The following TENM2 variants were observed in gnomAD, a reference collection of about 807,000 sequenced individuals.
TENM2 encodes teneurin-2.
TENM2 carries 52 observed loss-of-function variants against 245.2 expected under a neutral mutation model. The observed-to-expected ratio is 0.21, with a 90% confidence interval of 0.17 to 0.27. The LOEUF is 0.27. Ranked by LOEUF, TENM2 falls within the 10% of genes least tolerant of loss-of-function variation. The pLI, the probability that TENM2 is intolerant of heterozygous loss-of-function variation, is 1.00. For missense variants in TENM2, 3,046 were observed against 3,666.8 expected, an observed-to-expected ratio of 0.83 and a Z score of 4.37; for synonymous variants, 1,363 against 1,438.9, an observed-to-expected ratio of 0.95 and a Z score of 1.19.
At chr5:167,614,561 A>T (rs565150633) in intron 2 of TENM2, among the ~76,000 whole-genome samples, 2 of 152,006 alleles carry the variant, frequency 1.3e-5, no homozygotes, top group East Asian at 3.9e-4. Context: ...AAGAGAGGAA[A>T]TTTTTTTTCT....
intron 5 of TENM2, among the ~76,000 whole-genome samples, chr5:168,018,574 C>T (rs926528107): frequency 6.6e-5 from 10 of 152,054 alleles, no homozygotes; most frequent in African/African-American, 2.4e-4. Flanking sequence ...TATTCAGACT[C>T]CTGCCCAGGA....
intron 4 of TENM2, among the ~76,000 whole-genome samples, chr5:167,985,617 A>G (rs1187418985): frequency 6.6e-6 from 1 of 152,218 alleles, no homozygotes; most frequent in Non-Finnish European, 1.5e-5. Context: ...AGAGAGAAAC[A>G]GGAAAAAAGG....
chr5:167,235,307 C>G, the TENM2 span, among the ~76,000 whole-genome samples: 191 of 152,220 alleles, frequency 1.3e-3, 1 homozygote, highest in Non-Finnish European at 1.6e-3. Flanking sequence ...CAGCCGTATT[C>G]TTAGGGAGTA....
In TENM2 at chr5:168,219,000, G is replaced by GT. The variant is rs757566335; in HGVS notation, c.5108+2dup. The stretch of plus-strand genomic sequence containing the variant: ...AAACAGGATGGACGACTTTCTATGA[G>GT]TAAGTGGGTTTGTAAAGCATCTCTG... On this transcript the variant is annotated splice_donor_variant, in intron 23 of 28. Transcript: ENST00000518659. LOFTEE classifies it high-confidence loss of function. This position sits in a 1 kb window ranked among gnomAD's most constrained non-coding sequence, Gnocchi z 5.2. 1 of 1,610,744 alleles carries GT rather than the reference G, an allele frequency of 6.2e-7. No homozygotes were observed. The highest frequency in any genetic ancestry group is 8.5e-7 in the Non-Finnish European group (1 of 1,177,762).
At chr5:167,840,608 T>C (rs1182001565) in intron 2 of TENM2, among the ~76,000 whole-genome samples, 1 of 151,828 alleles carries the variant, frequency 6.6e-6, no homozygotes, top group East Asian at 1.9e-4. Context: ...GAAGCCTCAT[T>C]AAACCTCCAA....
intron 1 of TENM2, among the ~76,000 whole-genome samples, chr5:167,286,957 T>G (rs2127712888): frequency 6.6e-6 from 1 of 152,364 alleles, no homozygotes; most frequent in Non-Finnish European, 1.5e-5. Context: ...GCTTTGCAAT[T>G]AACAATTCAC....
Position 168,203,680 on chromosome 5 carries a change from A to G in TENM2, c.3431-9A>G. ...TCTCTCACTCTGCCCCACCCCTTTT[A>G]TCTTTCAGTGTCTGTCGGGTTTGAA... On this transcript the variant is annotated splice_polypyrimidine_tract_variant and intron_variant, in intron 17 of 28. Coordinates refer to ENST00000518659, the Ensembl canonical transcript of TENM2. 6.3e-7 allele frequency: 1 copy of G among 1,593,272 alleles called. No individual in the cohort carries two copies. Among genetic ancestry groups the G allele is most frequent in the East Asian group, 2.3e-5 (1 of 44,362 alleles).
intron 4 of TENM2, among the ~76,000 whole-genome samples, chr5:167,986,403 C>T (rs1217134063): frequency 2.0e-5 from 3 of 152,216 alleles, no homozygotes; most frequent in Non-Finnish European, 2.9e-5. Flanking sequence ...CCATCCCAAG[C>T]CCCTAACCTG....
At chr5:167,622,355 T>G (rs1168265990) in intron 2 of TENM2, among the ~76,000 whole-genome samples, 1 of 152,140 alleles carries the variant, frequency 6.6e-6, no homozygotes, top group Non-Finnish European at 1.5e-5. Flanking sequence ...TAAAAGCTCA[T>G]GTTGCCCGCA....
chr5:167,738,829 T>C (rs1344250943), intron 2 of TENM2, among the ~76,000 whole-genome samples: 3 of 152,170 alleles, frequency 2.0e-5, no homozygotes, highest in Non-Finnish European at 4.4e-5. Context: ...CCTCTTCTTA[T>C]AAGGACACCA....
intron 2 of TENM2, among the ~76,000 whole-genome samples, chr5:167,553,417 T>C (rs1773080630): frequency 6.6e-6 from 1 of 152,134 alleles, no homozygotes; most frequent in South Asian, 2.1e-4. Context: ...TATGAATGTA[T>C]AAACAGGTGT....
intron 27 of TENM2, among the ~76,000 whole-genome samples, chr5:168,253,424 A>ATTTTTT (rs200574779): frequency 1.4e-5 from 2 of 139,840 alleles, no homozygotes. Flanking sequence ...TGCATTCATT[A>ATTTTTT]TTTTATTTTT....
At chr5:167,360,162 A>T (rs1166325797) in intron 1 of TENM2, among the ~76,000 whole-genome samples, 1 of 152,166 alleles carries the variant, frequency 6.6e-6, no homozygotes, top group Non-Finnish European at 1.5e-5. Context: ...GTACTGCTCA[A>T]CCTAAAATAA....
intron 9 of TENM2, among the ~76,000 whole-genome samples, chr5:168,109,418 G>A (rs1451257667): frequency 6.6e-6 from 1 of 152,228 alleles, no homozygotes; most frequent in Admixed American, 6.5e-5. Flanking sequence ...CATACGTCAT[G>A]ATCGTCTCCG....
At chr5:168,036,444 C>T (rs113584008) in intron 5 of TENM2, among the ~76,000 whole-genome samples, 1 of 151,786 alleles carries the variant, frequency 6.6e-6, no homozygotes, top group Non-Finnish European at 1.5e-5. Context: ...TGAGACCAGC[C>T]TGGCCAAATG....
the TENM2 span, among the ~76,000 whole-genome samples, chr5:167,064,166 G>A: frequency 1.3e-5 from 2 of 152,192 alleles, no homozygotes; most frequent in Admixed American, 1.3e-4. Flanking sequence ...CAAGGTAGGC[G>A]GACGGGGGCC....
chr5:167,572,225 G>C (rs149648189), intron 2 of TENM2, among the ~76,000 whole-genome samples: 1 of 152,160 alleles, frequency 6.6e-6, no homozygotes, highest in African/African-American at 2.4e-5. Flanking sequence ...TCCCTCTTTG[G>C]GCACAGCAAT....
chr5:168,036,648 A>ATATATATATATATATAATATATGTATGTG (rs1787700903), intron 5 of TENM2, among the ~76,000 whole-genome samples: 1 of 109,888 alleles, frequency 9.1e-6, no homozygotes, highest in Admixed American at 9.8e-5. Flanking sequence ...AAAAAAATAT[A>ATATATATATATATATAATATATGTATGTG]TATATATATA....
the TENM2 span, among the ~76,000 whole-genome samples, chr5:167,167,009 T>C: frequency 6.6e-6 from 1 of 152,140 alleles, no homozygotes; most frequent in Non-Finnish European, 1.5e-5. Flanking sequence ...AGACCAAACC[T>C]TCCTTCTCGA....
Sources: gnomAD v4.1 joint callset for allele counts (sites outside exome capture counted in the v4.1 genomes callset) on GRCh38, gnomAD v4.1.1 for gene constraint, Gnocchi (gnomAD v3.1) non-coding constraint, MANE v1.5 for transcripts, NCBI Gene and HGNC (gene_info 2026-07-23, HGNC 2026-07-21) for gene names.